FNDC1: variants seen among roughly 807,000 people sequenced by gnomAD.
The protein encoded by FNDC1 is fibronectin type III domain-containing protein 1.
Under a neutral mutation model 168.0 loss-of-function variants are expected in FNDC1, and 96 were observed. That is an observed-to-expected ratio of 0.57 (90% confidence interval 0.48 to 0.68). The LOEUF is 0.68. Among genes scored for constraint, FNDC1 ranks in the 30% least tolerant of loss-of-function variants. The pLI, the probability that FNDC1 is intolerant of heterozygous loss-of-function variation, is 0.00. For synonymous variants in FNDC1, 1,099 were observed against 1,025.9 expected (o/e 1.07, Z -1.36); for missense variants, 2,587 against 2,482.1 (o/e 1.04, Z -0.90).
Position 159,236,243 on chromosome 6 carries a change from G to A in FNDC1, c.3996G>A (p.Gly1332=). Residue 1332 remains glycine (G), a synonymous_variant, in exon 12 of 23, where the codon GGG becomes GGA. Transcript: ENST00000297267. ...ATAATGGCAGACCAAATGTAGAAGG[G>A]AAAGTCCTTCCTGGTAGTAATGGAA... The part of the protein sequence containing the change: ...QGYNGRPNVE[G]KVLPGSNGKP... 1 of 1,613,708 alleles carries A rather than the reference G, an allele frequency of 6.2e-7. No individual in the cohort carries two copies. The highest frequency in any genetic ancestry group is 8.5e-7 in the Non-Finnish European group (1 of 1,179,712).
chr6:159,266,685 T>G (rs202229991), intron 21 of FNDC1, among the ~76,000 whole-genome samples: 75,291 of 130,798 alleles, frequency 0.58, 21,540 homozygotes, highest in Non-Finnish European at 0.67. Flanking sequence ...CTAGGGTTTT[T>G]TTTTTTTTTT....
chr6:159,182,236 G>A (rs1341886545), intron 1 of FNDC1, among the ~76,000 whole-genome samples: 6 of 152,162 alleles, frequency 3.9e-5, no homozygotes, highest in Non-Finnish European at 8.8e-5. Context: ...ACAAGCATGC[G>A]GAATCTGACT....
chr6:159,178,473 G>A (rs1258903210), intron 1 of FNDC1, among the ~76,000 whole-genome samples: 1 of 152,126 alleles, frequency 6.6e-6, no homozygotes, highest in East Asian at 1.9e-4. Flanking sequence ...CATTTGCATA[G>A]CTGTAGTGCC....
intron 9 of FNDC1, among the ~76,000 whole-genome samples, chr6:159,228,431 G>T (rs1001966748): frequency 3.3e-5 from 5 of 151,980 alleles, no homozygotes; most frequent in Non-Finnish European, 7.4e-5. Flanking sequence ...ATAGACAATG[G>T]GTTCTCTTAA....
intron 9 of FNDC1, among the ~76,000 whole-genome samples, chr6:159,228,744 C>T (rs1049222182): frequency 5.9e-5 from 9 of 152,046 alleles, no homozygotes; most frequent in African/African-American, 1.4e-4. Flanking sequence ...TGTGCAATCT[C>T]GGCTCACTGC....
intron 13 of FNDC1, among the ~76,000 whole-genome samples, chr6:159,239,169 C>T (rs1353186548): frequency 6.6e-6 from 1 of 152,034 alleles, no homozygotes; most frequent in Non-Finnish European, 1.5e-5. Context: ...TTCTTTTTTG[C>T]ACTCTAAAAG....
intron 22 of FNDC1, among the ~76,000 whole-genome samples, chr6:159,269,458 C>A (rs373635183): frequency 1.6e-5 from 1 of 62,350 alleles, no homozygotes; most frequent in African/African-American, 6.1e-5. Flanking sequence ...CTATTCACAT[C>A]TATCTATCTA....
intron 18 of FNDC1, among the ~76,000 whole-genome samples, chr6:159,257,410 A>G (rs1777397785): frequency 6.6e-6 from 1 of 152,328 alleles, no homozygotes; most frequent in South Asian, 2.1e-4. Flanking sequence ...TTAAGCCACC[A>G]TGGGCTTGCA....
At chr6:159,172,528 G>A (rs773085241) in intron 1 of FNDC1, among the ~76,000 whole-genome samples, 1 of 152,146 alleles carries the variant, frequency 6.6e-6, no homozygotes, top group Non-Finnish European at 1.5e-5. Flanking sequence ...TGAGATCAAT[G>A]GTGATATAAA....
In FNDC1 at chr6:159,194,233, C is replaced by T. The variant is rs566525696; in HGVS notation, c.110-3198C>T. Among the ~76,000 whole-genome samples the T allele has an allele frequency of 6.6e-5, 10 of 152,282 alleles. 1 individual carries two copies. In the South Asian group the frequency reaches 1.9e-3, roughly 28 times the overall value. ...TTTGCATCCTGTGAATATGAAAAAG[C>T]GTCTTGTCATGGCCCTACCTGTCAT... On this transcript the variant is annotated intron_variant, in intron 1 of 22. Transcript: ENST00000297267.
intron 16 of FNDC1, among the ~76,000 whole-genome samples, 163 bp downstream of exon 16, chr6:159,249,345 A>G (rs1259966199): frequency 6.6e-6 from 1 of 152,200 alleles, no homozygotes; most frequent in African/African-American, 2.4e-5. Context: ...TCTTATGTAG[A>G]TATGTATTAT....
intron 1 of FNDC1, among the ~76,000 whole-genome samples, chr6:159,177,551 G>A (rs1169009126): frequency 6.6e-6 from 1 of 151,994 alleles, no homozygotes; most frequent in Non-Finnish European, 1.5e-5. Context: ...TGGGGCAGGT[G>A]GGCTCACTGT....
chr6:159,271,102 G>A (rs1482749011), intron 22 of FNDC1, among the ~76,000 whole-genome samples: 2 of 152,178 alleles, frequency 1.3e-5, no homozygotes, highest in African/African-American at 2.4e-5. Context: ...AGACAGGTGG[G>A]GAAGACCCCA....
chr6:159,197,620 A>T lies in FNDC1; in HGVS notation c.299A>T (p.Asp100Val), dbSNP rs1279111773. ...GAGACATACTCCTTCCTTATTGAGG[A>T]TGTGGGTAAGTGACACTCTGATCTT... ...NAETYSFLIE[D>V]VEPGVVYFVL... Residue 100 changes from aspartate (D) to valine (V), a missense_variant, in exon 2 of 23, where the codon GAT (aspartate) becomes GTT (valine). Transcript: ENST00000297267. The T allele has an allele frequency of 8.1e-6, 13 of 1,610,772 alleles. No individual in the cohort carries two copies. The highest frequency in any genetic ancestry group is 1.1e-5 in the Non-Finnish European group (13 of 1,178,498).
At chr6:159,238,842 A>C (rs1028847976) in intron 13 of FNDC1, among the ~76,000 whole-genome samples, 177 bp downstream of exon 13, 1 of 152,164 alleles carries the variant, frequency 6.6e-6, no homozygotes, top group Admixed American at 6.5e-5. Flanking sequence ...AGAGAGCGTT[A>C]GTTCTCTTCC....
chr6:159,189,054 T>C (rs1186026685), intron 1 of FNDC1, among the ~76,000 whole-genome samples: 1 of 152,184 alleles, frequency 6.6e-6, no homozygotes, highest in Non-Finnish European at 1.5e-5. Flanking sequence ...ACCTGGCCAA[T>C]TTTTATTTTC....
intron 1 of FNDC1, among the ~76,000 whole-genome samples, chr6:159,191,938 A>G (rs1782150559): frequency 6.6e-6 from 1 of 152,104 alleles, no homozygotes; most frequent in Non-Finnish European, 1.5e-5. Flanking sequence ...ATGATAAACC[A>G]TAGCTCACTG....
chr6:159,240,600 C>A (rs1783397314), intron 14 of FNDC1, among the ~76,000 whole-genome samples: 1 of 152,290 alleles, frequency 6.6e-6, no homozygotes, highest in South Asian at 2.1e-4. Flanking sequence ...TAAGAATGCA[C>A]CATTTTCCCT....
chr6:159,227,849 A>AT (rs757074872), intron 9 of FNDC1, among the ~76,000 whole-genome samples: 7 of 152,148 alleles, frequency 4.6e-5, no homozygotes, highest in East Asian at 3.8e-4. Flanking sequence ...GTCTCATAAT[A>AT]TTTTACGAAA....
Sources: allele counts gnomAD v4.1 joint callset (sites outside exome capture counted in the v4.1 genomes callset), GRCh38; gene constraint gnomAD v4.1.1; transcripts MANE v1.5; gene names NCBI Gene and HGNC (gene_info 2026-07-23, HGNC 2026-07-21).